The following PDGFRL variants were observed in gnomAD, a reference collection of about 807,000 sequenced individuals.
PDGFRL encodes the protein platelet derived growth factor receptor like.
Under a neutral mutation model 37.2 loss-of-function variants are expected in PDGFRL, and 46 were observed. The observed-to-expected ratio is 1.24, with a 90% confidence interval of 0.98 to 1.58. PDGFRL has a LOEUF of 1.58. PDGFRL is among the 40% of genes most tolerant of loss of function. The pLI, the probability that PDGFRL is intolerant of heterozygous loss-of-function variation, is 0.00. For missense variants in PDGFRL, 692 were observed against 467.6 expected (o/e 1.48, Z -4.43); for synonymous variants, 251 against 184.3 (o/e 1.36, Z -2.93).
chr8:17,639,328 TTTTATTTA>T (rs750427024), intron 5 of PDGFRL, among the ~76,000 whole-genome samples: 2 of 152,062 alleles, frequency 1.3e-5, no homozygotes, highest in African/African-American at 4.8e-5. Flanking sequence ...ATACCTTGGT[TTTTATTTA>T]TTTATTTATT....
rs773860419 is a variant in PDGFRL at position 17,634,120 on chromosome 8, A to G, written c.846A>G (p.Lys282=). 1 of 1,613,856 alleles carries G rather than the reference A, an allele frequency of 6.2e-7. No homozygotes were observed. The highest frequency in any genetic ancestry group is 8.5e-7 in the Non-Finnish European group (1 of 1,179,756). ...PSTTILASSN[K]VKSGDDISVL... Reference sequence around the variant, plus strand: ...CAACCATCTTGGCTTCTTCAAACAAAGTGAAAAGTGGGGACGACATCAGTG... The same window carrying G: ...CAACCATCTTGGCTTCTTCAAACAAGGTGAAAAGTGGGGACGACATCAGTG... Residue 282 remains lysine, a synonymous_variant, in exon 5 of 6, where the codon AAA becomes AAG. Transcript: ENST00000251630.
At chr8:17,635,111 A>G (rs1804945754) in intron 5 of PDGFRL, among the ~76,000 whole-genome samples, 1 of 152,112 alleles carries the variant, frequency 6.6e-6, no homozygotes, top group Admixed American at 6.6e-5. Flanking sequence ...GGGGTCCTTC[A>G]GAGTGTTCTC....
intron 1 of PDGFRL, among the ~76,000 whole-genome samples, chr8:17,580,893 A>G (rs141991805): frequency 0.025 from 3,785 of 151,718 alleles, 102 homozygotes; most frequent in Middle Eastern, 0.12. Context: ...CATCACTCCA[A>G]TCTCTGCCTC....
In PDGFRL at chr8:17,623,322, A is replaced by G. The variant is rs960867576; in HGVS notation, c.505+2120A>G. Among the ~76,000 whole-genome samples the G allele has an allele frequency of 1.3e-4, 20 of 152,188 alleles. No homozygotes were observed. The East Asian group carries it at 3.3e-3, about 25-fold the overall frequency. ...AATTGCTAATAATTGTTCATAGGCAATCTCTTTGGATCTTCATTTTGGAAC... is the reference window on the plus strand; with the variant it reads ...AATTGCTAATAATTGTTCATAGGCAGTCTCTTTGGATCTTCATTTTGGAAC... On this transcript the variant is annotated intron_variant, in intron 3 of 5. Coordinates refer to ENST00000251630, the MANE Select transcript of PDGFRL (RefSeq NM_001372073.1).
chr8:17,634,283 C>T, intron 5 of PDGFRL, 70 bp downstream of exon 5: 1 of 1,273,626 alleles, frequency 7.9e-7, no homozygotes, highest in Non-Finnish European at 1.1e-6. Context: ...TTTTAATTCA[C>T]AGCTTCGTCC....
rs1182911920 is a variant in PDGFRL at position 17,628,561 on chromosome 8, G to A, written c.580G>A (p.Val194Ile). Reference sequence around the variant, plus strand: ...CTTGAACCCGGACAGACAGGCTGTGGTTCCTTGTCGGGTGACCGTGCTGTC... The same window carrying A: ...CTTGAACCCGGACAGACAGGCTGTGATTCCTTGTCGGGTGACCGTGCTGTC... ...VYLNPDRQAV[V>I]PCRVTVLSAK... is the part of the protein sequence containing the mutation. The change falls in exon 4 of 6, where the codon GTT becomes ATT. Residue 194 changes from valine (V) to isoleucine (I), a missense_variant. Val to Ile is a conservative substitution (Grantham distance 29). Coordinates refer to ENST00000251630, the MANE Select transcript of PDGFRL (RefSeq NM_001372073.1). 1.9e-6 allele frequency: 3 copies of A among 1,614,078 alleles called. No homozygotes were observed. Among genetic ancestry groups the A allele is most frequent in the Admixed American group, 1.7e-5 (1 of 60,016 alleles).
intron 2 of PDGFRL, among the ~76,000 whole-genome samples, chr8:17,613,458 G>C (rs558895575): frequency 7.0e-4 from 107 of 152,286 alleles, no homozygotes; most frequent in African/African-American, 2.5e-3. Flanking sequence ...ATGGCGGGCA[G>C]AGTCCAGGCA....
intron 2 of PDGFRL, among the ~76,000 whole-genome samples, chr8:17,602,765 T>G (rs1016459411): frequency 3.3e-5 from 5 of 151,992 alleles, no homozygotes; most frequent in Non-Finnish European, 5.9e-5. Flanking sequence ...CAAAACCCTG[T>G]CATGAGAAGG....
At chr8:17,577,165 G>A, upstream of PDGFRL, 1 of 1,540,548 alleles carries the variant, frequency 6.5e-7, no homozygotes, top group Non-Finnish European at 8.7e-7. Flanking sequence ...CGGCGTCCCA[G>A]GAGCCCGCCC....
intron 2 of PDGFRL, among the ~76,000 whole-genome samples, chr8:17,601,350 A>G (rs7017000): frequency 0.26 from 38,800 of 152,016 alleles, 6,278 homozygotes; most frequent in African/African-American, 0.44. Flanking sequence ...CAGGGGATCT[A>G]AAGTCAGGCC....
At chr8:17,638,449 G>C (rs534462174) in intron 5 of PDGFRL, among the ~76,000 whole-genome samples, 7 of 152,020 alleles carry the variant, frequency 4.6e-5, no homozygotes, top group African/African-American at 1.4e-4. Flanking sequence ...ATTGAAACTT[G>C]TTTTGTGGCT....
At chr8:17,608,136 A>C (rs549028191) in intron 2 of PDGFRL, among the ~76,000 whole-genome samples, 4 of 152,128 alleles carry the variant, frequency 2.6e-5, no homozygotes, top group Non-Finnish European at 5.9e-5. Flanking sequence ...TTCCTGCTCA[A>C]AGACTTTGCT....
intron 5 of PDGFRL, 100 bp downstream of exon 5, chr8:17,634,313 A>G (rs1002107634): frequency 1.9e-5 from 17 of 906,742 alleles, no homozygotes; most frequent in Admixed American, 4.8e-5. Context: ...GCTATATGCC[A>G]TAACTTCAGA....
chr8:17,630,423 G>C (rs1196023189), intron 4 of PDGFRL, among the ~76,000 whole-genome samples: 3 of 152,206 alleles, frequency 2.0e-5, no homozygotes, highest in Non-Finnish European at 4.4e-5. Flanking sequence ...CCTGAGGGTA[G>C]GGAGATCTGT....
chr8:17,596,216 CGT>C, intron 2 of PDGFRL: 1 of 504,114 alleles, frequency 2.0e-6, no homozygotes, highest in Non-Finnish European at 3.1e-6. Flanking sequence ...CACTGAGCCC[CGT>C]GTGACTCTGA....
intron 1 of PDGFRL, among the ~76,000 whole-genome samples, chr8:17,585,689 A>C (rs2150809802): frequency 6.6e-6 from 1 of 152,226 alleles, no homozygotes; most frequent in South Asian, 2.1e-4. Context: ...GGAGGAGAAA[A>C]CCCAACAGCT....
chr8:17,627,381 G>T (rs1310166874), intron 3 of PDGFRL, among the ~76,000 whole-genome samples: 1 of 152,080 alleles, frequency 6.6e-6, no homozygotes, highest in East Asian at 1.9e-4. Flanking sequence ...ATGAGTGGAT[G>T]TAAATACATT....
At chr8:17,642,079 T>C (rs1039923906) in intron 5 of PDGFRL, among the ~76,000 whole-genome samples, 2 of 152,112 alleles carry the variant, frequency 1.3e-5, no homozygotes, top group African/African-American at 4.8e-5. Flanking sequence ...ATCTTACCCA[T>C]CCTTGGTACA....
intron 2 of PDGFRL, among the ~76,000 whole-genome samples, chr8:17,594,387 C>T (rs951741346): frequency 2.6e-5 from 4 of 151,056 alleles, no homozygotes; most frequent in Admixed American, 6.6e-5. Flanking sequence ...ATTACAGGCA[C>T]ACACCACCAC....
Sources: allele counts gnomAD v4.1 joint callset (sites outside exome capture counted in the v4.1 genomes callset), GRCh38; gene constraint gnomAD v4.1.1; transcripts MANE v1.5; gene names NCBI Gene and HGNC (gene_info 2026-07-23, HGNC 2026-07-21).